Variants in CSTPP1 observed in about 807,000 individuals in gnomAD.
CSTPP1 encodes the protein UPF0705 protein C11orf49.
At chr11:47,044,180 G>C in the CSTPP1 span, among the ~76,000 whole-genome samples, 1 of 151,886 alleles carries the variant, frequency 6.6e-6, no homozygotes. Flanking sequence ...GTAGAGACAG[G>C]GTTTCACCAT....
chr11:46,989,297 T>C, the CSTPP1 span, among the ~76,000 whole-genome samples: 40 of 152,278 alleles, frequency 2.6e-4, no homozygotes, highest in Middle Eastern at 3.4e-3. Context: ...AAATGATTAC[T>C]ACCTTTTTTA....
the CSTPP1 span, among the ~76,000 whole-genome samples, chr11:46,937,788 C>T: frequency 6.6e-6 from 1 of 152,294 alleles, no homozygotes; most frequent in South Asian, 2.1e-4. Flanking sequence ...CTGCCCGCCT[C>T]AGCCTCCAAA....
the CSTPP1 span, chr11:47,160,995 G>A: frequency 8.5e-7 from 1 of 1,181,628 alleles, no homozygotes; most frequent in Non-Finnish European, 1.2e-6. Context: ...CCCTCTAGCA[G>A]TCCTCAGATC....
the CSTPP1 span, chr11:47,164,116 G>A: frequency 1.8e-4 from 288 of 1,613,038 alleles, no homozygotes; most frequent in African/African-American, 2.9e-3. Context: ...AAGCTGCACC[G>A]GACCTCACGG....
chr11:47,028,833 C>CT, the CSTPP1 span, among the ~76,000 whole-genome samples: 2,163 of 151,398 alleles, frequency 0.014, 52 homozygotes, highest in African/African-American at 0.05. Context: ...GAATATATAT[C>CT]TTTTTTTTTC....
At chr11:47,039,480 GGGGAGA>G in the CSTPP1 span, among the ~76,000 whole-genome samples, 27 of 126,978 alleles carry the variant, frequency 2.1e-4, 6 homozygotes, top group Admixed American at 8.4e-4. Flanking sequence ...GGGAGACCGT[GGGGAGA>G]GGGAGAGGGA....
At chr11:46,961,315 T>G in the CSTPP1 span, among the ~76,000 whole-genome samples, 11 of 152,214 alleles carry the variant, frequency 7.2e-5, no homozygotes, top group Non-Finnish European at 1.3e-4. Context: ...TCCCTAATGA[T>G]TAATGATGTT....
At chr11:47,073,575 G>A in the CSTPP1 span, among the ~76,000 whole-genome samples, 1 of 152,106 alleles carries the variant, frequency 6.6e-6, no homozygotes, top group Non-Finnish European at 1.5e-5. Context: ...AGGAAGCTTA[G>A]ATTGGACCTT....
At chr11:47,111,937 T>C in the CSTPP1 span, among the ~76,000 whole-genome samples, 1 of 152,238 alleles carries the variant, frequency 6.6e-6, no homozygotes, top group Non-Finnish European at 1.5e-5. Flanking sequence ...TAAAAGGCCA[T>C]ATACATGAAC....
the CSTPP1 span, among the ~76,000 whole-genome samples, chr11:46,955,992 C>A: frequency 1.3e-4 from 19 of 149,208 alleles, no homozygotes; most frequent in South Asian, 8.9e-4. Flanking sequence ...ATCCACCCCC[C>A]CCCCCCCACC....
chr11:47,098,882 G>A, the CSTPP1 span, among the ~76,000 whole-genome samples: 1 of 152,074 alleles, frequency 6.6e-6, no homozygotes, highest in Non-Finnish European at 1.5e-5. Context: ...ACCTAATTAT[G>A]TGTTTTGTGA....
the CSTPP1 span, among the ~76,000 whole-genome samples, chr11:47,017,617 GT>G: frequency 6.6e-6 from 1 of 150,818 alleles, no homozygotes; most frequent in Admixed American, 6.6e-5. Flanking sequence ...CATCACTATA[GT>G]TTTGTCTTTT....
chr11:47,162,195 C>T, the CSTPP1 span: 2 of 985,518 alleles, frequency 2.0e-6, no homozygotes, highest in Non-Finnish European at 2.4e-6. Context: ...CCCTTTGTGT[C>T]TAATAGCTAA....
chr11:47,078,576 T>C, the CSTPP1 span, among the ~76,000 whole-genome samples: 1 of 152,004 alleles, frequency 6.6e-6, no homozygotes, highest in Non-Finnish European at 1.5e-5. Context: ...GAAACTGAGA[T>C]AACATGGACT....
At chr11:47,048,296 A>C in the CSTPP1 span, among the ~76,000 whole-genome samples, 1 of 152,212 alleles carries the variant, frequency 6.6e-6, no homozygotes, top group Non-Finnish European at 1.5e-5. Flanking sequence ...TGGTACATAC[A>C]TACAAAGGAA....
chr11:46,994,712 A>G, the CSTPP1 span, among the ~76,000 whole-genome samples: 2 of 152,306 alleles, frequency 1.3e-5, no homozygotes, highest in Middle Eastern at 3.4e-3. Context: ...ATCGATGTTC[A>G]TCAGGGATAT....
the CSTPP1 span, chr11:47,157,115 C>T: frequency 6.2e-7 from 1 of 1,614,124 alleles, no homozygotes; most frequent in Non-Finnish European, 8.5e-7. Context: ...CAGTGGGCAG[C>T]ACCGCCAACG....
the CSTPP1 span, among the ~76,000 whole-genome samples, chr11:46,943,396 G>A: frequency 1.3e-5 from 2 of 152,208 alleles, no homozygotes; most frequent in African/African-American, 4.8e-5. Flanking sequence ...TAAACTCTAT[G>A]CTATAAATAC....
chr11:47,043,828 C>T, the CSTPP1 span, among the ~76,000 whole-genome samples: 1 of 152,072 alleles, frequency 6.6e-6, no homozygotes, highest in East Asian at 1.9e-4. Context: ...CCTGTCTCTA[C>T]AATCCTGTCT....
Sources: gnomAD v4.1 joint callset for allele counts (sites outside exome capture counted in the v4.1 genomes callset) on GRCh38, gnomAD v4.1.1 for gene constraint, MANE v1.5 for transcripts, NCBI Gene and HGNC (gene_info 2026-07-23, HGNC 2026-07-21) for gene names.